RFX7: variants seen among roughly 807,000 people sequenced by gnomAD.
RFX7 encodes regulatory factor X7, also known as DNA-binding protein RFX7.
A neutral mutation model predicts 111.8 loss-of-function variants in RFX7; 26 were observed. The ratio of observed to expected loss-of-function variants is 0.23; its 90% CI spans 0.17 to 0.32. The LOEUF (loss-of-function observed/expected upper bound fraction) is 0.32, where lower values mean the gene tolerates loss of function less well. RFX7 is among the 10% of genes least tolerant of loss of function. The probability of loss-of-function intolerance (pLI) is 1.00; values close to 1 mark genes in which losing one functional copy is unlikely to be tolerated. For synonymous variants in RFX7, 624 were observed against 624.4 expected (o/e 1.00, Z 0.01); for missense variants, 1,573 against 1,772.9 (o/e 0.89, Z 2.02).
At chr15:56,098,854 T>C (rs2041716729) in intron 8 of RFX7, among the ~76,000 whole-genome samples, 1 of 152,250 alleles carries the variant, frequency 6.6e-6, no homozygotes, top group Admixed American at 6.5e-5. Context: ...CTCCTCATAA[T>C]GGAATAAATT....
intron 2 of RFX7, among the ~76,000 whole-genome samples, chr15:56,200,966 C>A: frequency 6.6e-6 from 1 of 151,218 alleles, no homozygotes. Context: ...TTAAACCAGC[C>A]CATGGTATTA....
Position 56,092,092 on chromosome 15 carries a change from TG to T in RFX7, c.*1252del, listed in dbSNP as rs2041603309. On this transcript the variant is annotated 3_prime_UTR_variant, in exon 10 of 10. Transcript: ENST00000559447. ...ATAAATAATTATTCACAAAACAAAA[TG>T]GGAGCCATAGAGAGAAACATTTTAA... 1 of 152,504 alleles carries T rather than the reference TG, an allele frequency of 6.6e-6. No individual in the cohort carries two copies. Among genetic ancestry groups the T allele is most frequent in the Non-Finnish European group, 1.5e-5 (1 of 67,954 alleles). 9.4% of individuals were successfully genotyped at this position (152,504 alleles called of 1,614,324 possible). A position where few individuals can be genotyped will look rare whatever the true frequency, so the allele number is the denominator to read the frequency against.
intron 6 of RFX7, among the ~76,000 whole-genome samples, chr15:56,102,781 GT>G (rs2041773933): frequency 6.6e-6 from 1 of 152,158 alleles, no homozygotes; most frequent in Non-Finnish European, 1.5e-5. Context: ...CCAACTAGTG[GT>G]TAGAGAACAC....
At chr15:56,208,101 A>G (rs1193378316) in intron 2 of RFX7, among the ~76,000 whole-genome samples, 4 of 152,204 alleles carry the variant, frequency 2.6e-5, no homozygotes, top group Non-Finnish European at 5.9e-5. Flanking sequence ...GTGAATATTT[A>G]AGAAAAACCT....
intron 2 of RFX7, among the ~76,000 whole-genome samples, chr15:56,233,770 T>C (rs1402346298): frequency 3.9e-5 from 6 of 152,212 alleles, no homozygotes; most frequent in Non-Finnish European, 4.4e-5. Context: ...ACATTGGTTG[T>C]GGCAACCTGT....
chr15:56,211,768 TGAAGA>T (rs1237016318), intron 2 of RFX7, among the ~76,000 whole-genome samples: 1 of 152,008 alleles, frequency 6.6e-6, no homozygotes, highest in Non-Finnish European at 1.5e-5. Flanking sequence ...AATAAGCACA[TGAAGA>T]GATGCTCCAT....
intron 3 of RFX7, among the ~76,000 whole-genome samples, chr15:56,178,897 AAC>A (rs1318737351): frequency 1.2e-4 from 19 of 152,148 alleles, no homozygotes; most frequent in African/African-American, 4.1e-4. Flanking sequence ...AAACATGAAA[AAC>A]ACACTATCTC....
At chr15:56,121,145 C>G (rs2042073682) in intron 5 of RFX7, among the ~76,000 whole-genome samples, 1 of 151,996 alleles carries the variant, frequency 6.6e-6, no homozygotes, top group Non-Finnish European at 1.5e-5. Flanking sequence ...CTGAAGAACT[C>G]TGTTTAGTAT....
chr15:56,214,340 G>A (rs1411423919), intron 2 of RFX7, among the ~76,000 whole-genome samples: 1 of 151,968 alleles, frequency 6.6e-6, no homozygotes, highest in African/African-American at 2.4e-5. Context: ...AAAAATCTGC[G>A]ATATTTATTT....
intron 2 of RFX7, among the ~76,000 whole-genome samples, chr15:56,220,403 T>C (rs1357859523): frequency 6.6e-6 from 1 of 152,094 alleles, no homozygotes; most frequent in South Asian, 2.1e-4. Flanking sequence ...GCTAATTTTT[T>C]GTATTTTTAG....
chr15:56,155,677 T>C (rs554643359), intron 3 of RFX7, among the ~76,000 whole-genome samples: 20 of 152,212 alleles, frequency 1.3e-4, no homozygotes, highest in Non-Finnish European at 2.5e-4. Flanking sequence ...GACGGGTTGA[T>C]AGGTACAGCA....
At chr15:56,097,152 T>C (rs565820679) in intron 9 of RFX7, among the ~76,000 whole-genome samples, 4 of 152,272 alleles carry the variant, frequency 2.6e-5, no homozygotes, top group East Asian at 1.9e-4. Context: ...ATGATGATAA[T>C]AGGAACAAGA....
intron 5 of RFX7, among the ~76,000 whole-genome samples, chr15:56,132,619 C>G (rs1311135848): frequency 1.3e-5 from 2 of 151,924 alleles, no homozygotes; most frequent in Non-Finnish European, 2.9e-5. Flanking sequence ...TATTCAGCAG[C>G]TGGTGGCATG....
At chr15:56,134,957 T>A (rs2042277036) in intron 5 of RFX7, among the ~76,000 whole-genome samples, 1 of 152,112 alleles carries the variant, frequency 6.6e-6, no homozygotes, top group Non-Finnish European at 1.5e-5. Context: ...TCATTTTTTA[T>A]GGCTGCATAG....
chr15:56,190,294 C>A lies in RFX7; in HGVS notation c.162-10991G>T, dbSNP rs2043087108. Among the ~76,000 whole-genome samples, 5 of 152,168 alleles carry A rather than the reference C, an allele frequency of 3.3e-5. No individual in the cohort carries two copies. The South Asian group carries it at 1.0e-3, about 31-fold the overall frequency. On this transcript the variant is annotated intron_variant, in intron 2 of 9. Coordinates refer to ENST00000559447, the MANE Select transcript of RFX7 (RefSeq NM_022841.7). ...CCACTGCTGGGAGTGCAGTGCAGTG[C>A]AGCACAAAGCCATGGGTGTCTGTCA...
At chr15:56,142,714 A>C in intron 5 of RFX7, 64 bp downstream of exon 5, 41 of 1,388,748 alleles carry the variant, frequency 3.0e-5, no homozygotes, top group Non-Finnish European at 3.7e-5. Flanking sequence ...ACAAATCACT[A>C]TGGCCAAGTA....
chr15:56,204,559 A>G (rs923161702), intron 2 of RFX7, among the ~76,000 whole-genome samples: 1 of 152,214 alleles, frequency 6.6e-6, no homozygotes, highest in African/African-American at 2.4e-5. Flanking sequence ...ATTGTAGGCT[A>G]AAGCTTTGAG....
Position 56,243,445 on chromosome 15 carries a change from C to A in RFX7, c.-3G>T, listed in dbSNP as rs1487745298. On this transcript the variant is annotated splice_region_variant and 5_prime_UTR_variant, in exon 1 of 10. Coordinates refer to ENST00000559447, the MANE Select transcript of RFX7 (RefSeq NM_022841.7). ...GAAGCTGGATAAGCTAGGCCTTTAC[C>A]CCAGGGCTCGAGTGAGTCGCTTTCG... The A allele has an allele frequency of 3.0e-6, 3 of 983,954 alleles. No homozygotes were observed. The highest frequency in any genetic ancestry group is 2.3e-4 in the East Asian group (2 of 8,686). The allele number at this position is 983,954 out of a possible 1,614,324, so 61.0% of individuals were successfully genotyped here.
intron 5 of RFX7, among the ~76,000 whole-genome samples, chr15:56,109,291 G>A (rs1298199617): frequency 6.6e-6 from 1 of 152,236 alleles, no homozygotes; most frequent in East Asian, 1.9e-4. Context: ...CGAGTGATCC[G>A]CCAGCCTCGG....
Sources: allele counts gnomAD v4.1 joint callset (sites outside exome capture counted in the v4.1 genomes callset), GRCh38; gene constraint gnomAD v4.1.1; transcripts MANE v1.5; gene names NCBI Gene and HGNC (gene_info 2026-07-23, HGNC 2026-07-21).